Variants in TMC3 observed in about 807,000 individuals in gnomAD.
TMC3 encodes transmembrane channel-like protein 3.
TMC3 carries 98 observed loss-of-function variants against 110.6 expected under a neutral mutation model. The ratio of observed to expected loss-of-function variants is 0.89; its 90% CI spans 0.75 to 1.05. The LOEUF (loss-of-function observed/expected upper bound fraction) is 1.05. Among genes scored for constraint, TMC3 ranks in the 50% least tolerant of loss-of-function variants. The pLI is 0.00. For missense variants in TMC3, 1,319 were observed against 1,373.2 expected, an observed-to-expected ratio of 0.96 and a Z score of 0.62; for synonymous variants, 489 against 513.1, an observed-to-expected ratio of 0.95 and a Z score of 0.63.
intron 16 of TMC3, among the ~76,000 whole-genome samples, chr15:81,340,023 G>T (rs745572245): frequency 6.6e-6 from 1 of 152,178 alleles, no homozygotes; most frequent in Non-Finnish European, 1.5e-5. Flanking sequence ...CAGGGTATGT[G>T]TTCTACCTGA....
In TMC3 at chr15:81,331,432, A is replaced by C. The variant is rs1893459515; in HGVS notation, c.*987T>G. ...GCTTGCTGAGCACAGAAGGAAAAACAGGCAGTTAGTGTTCTTCTTTAACTT... is the reference window on the plus strand; with the variant it reads ...GCTTGCTGAGCACAGAAGGAAAAACCGGCAGTTAGTGTTCTTCTTTAACTT... On this transcript the variant is annotated 3_prime_UTR_variant, in exon 22 of 22. Coordinates refer to ENST00000359440, the MANE Select transcript of TMC3 (RefSeq NM_001080532.3). The C allele has an allele frequency of 6.6e-6, 1 of 152,248 alleles. No homozygotes were observed. Among genetic ancestry groups the C allele is most frequent in the South Asian group, 2.1e-4 (1 of 4,836 alleles). 9.4% of individuals were successfully genotyped at this position (152,248 alleles called of 1,614,324 possible).
In TMC3 at chr15:81,358,277, G is replaced by A; in HGVS notation, c.615C>T (p.Tyr205=). Residue 205 remains tyrosine, a synonymous_variant, in exon 7 of 22, where the codon TAC becomes TAT. Coordinates refer to ENST00000359440, the MANE Select transcript of TMC3 (RefSeq NM_001080532.3). ...TVWSLGGYLQ[Y]SVLFYGYYGR... is the part of the protein sequence containing the mutation. ...CGTAATATCCGTAGAAGAGGACAGA[G>A]TACTGGAGGTAGCCCTGCAAAGAAA... 3 of 1,609,032 alleles carry A rather than the reference G, an allele frequency of 1.9e-6. No homozygotes were observed. The highest frequency in any genetic ancestry group is 2.5e-6 in the Non-Finnish European group (3 of 1,177,624).
chr15:81,342,819 C>T (rs1220558851), intron 15 of TMC3: 2 of 153,194 alleles, frequency 1.3e-5, no homozygotes, highest in Non-Finnish European at 1.5e-5. Context: ...TACTTCCTGC[C>T]TCCCCAAGGG....
Position 81,338,725 on chromosome 15 carries a change from C to T in TMC3, c.2011G>A (p.Val671Met). The T allele has an allele frequency of 1.2e-6, 2 of 1,613,988 alleles. No individual in the cohort carries two copies. Among genetic ancestry groups the T allele is most frequent in the Non-Finnish European group, 1.7e-6 (2 of 1,179,880 alleles). Reference sequence around the variant, plus strand: ...TGTCCAACCACGGAGCCAAACCACACAGGAAAGTCTTTCTCAATCGTTTCT... The same window carrying T: ...TGTCCAACCACGGAGCCAAACCACATAGGAAAGTCTTTCTCAATCGTTTCT... ...VSETIEKDFPVWFGSVVGHIS... is the reference protein window; with the variant it reads ...VSETIEKDFPMWFGSVVGHIS... Residue 671 changes from valine to methionine, a missense_variant, in exon 18 of 22, where the codon GTG (valine) becomes ATG (methionine). Coordinates refer to ENST00000359440, the MANE Select transcript of TMC3 (RefSeq NM_001080532.3).
chr15:81,349,876 G>A (rs1033453426), intron 10 of TMC3, among the ~76,000 whole-genome samples: 3 of 150,454 alleles, frequency 2.0e-5, no homozygotes, highest in Admixed American at 6.6e-5. Flanking sequence ...CACTTTGGGA[G>A]GCTTGTGAGG....
At chr15:81,346,907 A>G (rs534624714) in intron 11 of TMC3, among the ~76,000 whole-genome samples, 1 of 152,192 alleles carries the variant, frequency 6.6e-6, no homozygotes, top group African/African-American at 2.4e-5. Flanking sequence ...AGTTCACACA[A>G]TTAAAAAGCA....
intron 20 of TMC3, 56 bp downstream of exon 20, chr15:81,336,553 G>T: frequency 6.4e-7 from 1 of 1,567,074 alleles, no homozygotes; most frequent in Non-Finnish European, 8.8e-7. Context: ...GGGCGACAGA[G>T]CAAGACTCTG....
At chr15:81,359,344 T>C in intron 5 of TMC3, 21 bp downstream of exon 5, 1 of 1,538,408 alleles carries the variant, frequency 6.5e-7, no homozygotes, top group Non-Finnish European at 8.9e-7. Context: ...TAATGAGTGG[T>C]ACTTTCCTGA....
chr15:81,353,788 C>A (rs926319438), intron 9 of TMC3, among the ~76,000 whole-genome samples: 1 of 152,162 alleles, frequency 6.6e-6, no homozygotes, highest in Non-Finnish European at 1.5e-5. Flanking sequence ...TCTGACTATT[C>A]CTTTGGTAGT....
At chr15:81,352,557 A>G (rs902155317) in intron 9 of TMC3, among the ~76,000 whole-genome samples, 2 of 152,250 alleles carry the variant, frequency 1.3e-5, no homozygotes, top group Non-Finnish European at 2.9e-5. Context: ...TGTATTTACT[A>G]TATTTTTTAA....
intron 19 of TMC3, 97 bp from the exon 20 acceptor site, chr15:81,336,748 G>A (rs1419508726): frequency 7.9e-7 from 1 of 1,266,172 alleles, no homozygotes; most frequent in African/African-American, 1.5e-5. Flanking sequence ...ACATGCCATA[G>A]TTCTTACCTT....
intron 4 of TMC3, chr15:81,361,802 A>T (rs777056429): frequency 7.6e-5 from 12 of 157,214 alleles, no homozygotes; most frequent in Non-Finnish European, 1.5e-4. Flanking sequence ...CGTAGACATG[A>T]TTTATTTATT....
intron 12 of TMC3, 36 bp downstream of exon 12, chr15:81,346,329 A>G: frequency 6.3e-7 from 1 of 1,587,050 alleles, no homozygotes; most frequent in Non-Finnish European, 8.6e-7. Flanking sequence ...GAGAGGGCAG[A>G]GGTGGGGCAG....
chr15:81,352,229 CAGGGAGGA>C (rs1472226335), intron 9 of TMC3, among the ~76,000 whole-genome samples: 1 of 152,066 alleles, frequency 6.6e-6, no homozygotes, highest in Non-Finnish European at 1.5e-5. Flanking sequence ...GGAAGGAAGG[CAGGGAGGA>C]AGAGAGGAAG....
chr15:81,355,597 A>G, intron 9 of TMC3, 128 bp downstream of exon 9: 1 of 704,932 alleles, frequency 1.4e-6, no homozygotes, highest in East Asian at 2.6e-5. Flanking sequence ...AGATCACATT[A>G]TGAGAAAGGA....
chr15:81,372,740 G>A lies in TMC3; in HGVS notation c.90-3C>T, dbSNP rs1417537549. 1 of 1,613,678 alleles carries A rather than the reference G, an allele frequency of 6.2e-7. No individual in the cohort carries two copies. Among genetic ancestry groups the A allele is most frequent in the African/African-American group, 1.3e-5 (1 of 74,922 alleles). On this transcript the variant is annotated splice_polypyrimidine_tract_variant and splice_region_variant and intron_variant, in intron 1 of 21. Transcript: ENST00000359440. ...CACTAAAGCTGTCATCCAAGTTGCT[G>A]AATGATCAGGGCATTAAGGAGGAAA...
intron 10 of TMC3, among the ~76,000 whole-genome samples, chr15:81,350,899 G>A (rs185903469): frequency 2.0e-5 from 3 of 152,162 alleles, no homozygotes; most frequent in East Asian, 3.8e-4. Flanking sequence ...CGGGGGTTGG[G>A]GGGGAGAAGA....
At chr15:81,351,592 T>C in intron 10 of TMC3, 102 bp downstream of exon 10, 3 of 1,424,044 alleles carry the variant, frequency 2.1e-6, no homozygotes, top group Non-Finnish European at 2.8e-6. Context: ...CCTCAAGTGA[T>C]CCACCTGCCC....
rs1327326907 is a variant in TMC3, at chr15:81,347,008, C to G, written c.1194-565G>C. On this transcript the variant is annotated intron_variant, in intron 11 of 21. Coordinates refer to ENST00000359440, the MANE Select transcript of TMC3 (RefSeq NM_001080532.3). ...CTGAAAAGCTGTGGGTACAACTACACCCTGTCAGCCACTGGGAGTGAATGG... is the reference window on the plus strand; with the variant it reads ...CTGAAAAGCTGTGGGTACAACTACAGCCTGTCAGCCACTGGGAGTGAATGG... 2.6e-5 allele frequency among the ~76,000 whole-genome samples: 4 copies of G among 152,312 alleles called. No homozygotes were observed. In the South Asian group the frequency reaches 8.3e-4, roughly 32 times the overall value.
Sources: allele counts gnomAD v4.1 joint callset (sites outside exome capture counted in the v4.1 genomes callset), GRCh38; gene constraint gnomAD v4.1.1; transcripts MANE v1.5; gene names NCBI Gene and HGNC (gene_info 2026-07-23, HGNC 2026-07-21).